The following C7 variants were observed in gnomAD, a reference collection of about 807,000 sequenced individuals.
C7 encodes the protein complement component C7.
In C7, 83 loss-of-function variants were observed where a neutral mutation model predicts 104.8. That is an observed-to-expected ratio of 0.79 (90% confidence interval 0.66 to 0.95). The LOEUF is 0.95. C7 is among the 40% of genes least tolerant of loss of function. C7 has a pLI of 0.00. For synonymous variants in C7, 415 were observed against 360.6 expected (o/e 1.15, Z -1.71); for missense variants, 1,070 against 1,011.2 (o/e 1.06, Z -0.79).
intron 12 of C7, among the ~76,000 whole-genome samples, chr5:40,960,059 A>G (rs73750215): frequency 0.11 from 16,909 of 152,218 alleles, 1,185 homozygotes; most frequent in Non-Finnish European, 0.16. Context: ...CTTTTCAGAT[A>G]CACCATTCTT....
intron 1 of C7, among the ~76,000 whole-genome samples, chr5:40,923,749 A>T (rs1739491282): frequency 1.3e-5 from 2 of 151,908 alleles, no homozygotes; most frequent in South Asian, 4.1e-4. Flanking sequence ...CTGTCTTAAA[A>T]AAAAAAAAAA....
At chr5:40,912,196 G>C (rs1234251214) in intron 1 of C7, among the ~76,000 whole-genome samples, 1 of 151,864 alleles carries the variant, frequency 6.6e-6, no homozygotes, top group African/African-American at 2.4e-5. Flanking sequence ...CCTAAGGCTA[G>C]CCAAATTTCA....
chr5:40,974,227 C>T (rs558763135), intron 15 of C7, among the ~76,000 whole-genome samples: 16 of 152,066 alleles, frequency 1.1e-4, no homozygotes, highest in African/African-American at 3.6e-4. Context: ...CTACTGTCCC[C>T]GTAGTTAGTC....
intron 13 of C7, among the ~76,000 whole-genome samples, chr5:40,963,322 C>G (rs1167065888): frequency 6.6e-6 from 1 of 152,178 alleles, no homozygotes; most frequent in Non-Finnish European, 1.5e-5. Flanking sequence ...TTTGTAATTT[C>G]TACAAGTGAT....
intron 1 of C7, among the ~76,000 whole-genome samples, chr5:40,918,450 A>G (rs1204055988): frequency 5.9e-5 from 9 of 152,286 alleles, no homozygotes; most frequent in Middle Eastern, 3.4e-3. Context: ...TTATCTATCA[A>G]TAATTACCTT....
intron 3 of C7, among the ~76,000 whole-genome samples, chr5:40,931,638 T>C (rs551177794): frequency 5.8e-4 from 88 of 152,370 alleles, no homozygotes; most frequent in African/African-American, 2.1e-3. Flanking sequence ...AAATACAATG[T>C]TGGACTTAAT....
At chr5:40,918,418 A>G (rs187735383) in intron 1 of C7, among the ~76,000 whole-genome samples, 127 of 152,188 alleles carry the variant, frequency 8.3e-4, no homozygotes, top group African/African-American at 2.6e-3. Context: ...CAACAACATA[A>G]CAAAATGGCA....
In C7 at chr5:40,958,049, A is replaced by G. The variant is rs963415406; in HGVS notation, c.1277A>G (p.Glu426Gly). The stretch of plus-strand genomic sequence containing the variant: ...TCTCTATAGCTGACACCTTTATATG[A>G]GCTGGTAAAGGAAGTACCTTGTGCC... ...VIKQKLTPLYELVKEVPCASV... is the reference protein window; with the variant it reads ...VIKQKLTPLYGLVKEVPCASV... The change falls in exon 11 of 18, where the codon GAG becomes GGG. Residue 426 changes from glutamate (E) to glycine (G), a missense_variant. Glu to Gly is a moderately conservative substitution (Grantham distance 98). Transcript: ENST00000313164. The G allele has an allele frequency of 1.2e-6, 2 of 1,611,926 alleles. No individual in the cohort carries two copies.
In C7 at chr5:40,976,771, T is replaced by C; in HGVS notation, c.2096T>C (p.Val699Ala). The stretch of plus-strand genomic sequence containing the variant: ...TTAGAAAATCCGTTAACACAGGCAG[T>C]GCCTAAATGTCAGCGCTGGGAGAAA... ...VQKENPLTQA[V>A]PKCQRWEKLQ... The change falls in exon 16 of 18, where the codon GTG becomes GCG. Residue 699 changes from valine to alanine, a missense_variant. Val to Ala is a moderately conservative substitution (Grantham distance 64). Coordinates refer to ENST00000313164, the MANE Select transcript of C7 (RefSeq NM_000587.4). 6.2e-7 allele frequency: 1 copy of C among 1,602,562 alleles called. No homozygotes were observed. The highest frequency in any genetic ancestry group is 8.5e-7 in the Non-Finnish European group (1 of 1,174,068).
At chr5:40,918,229 C>T (rs773438694) in intron 1 of C7, among the ~76,000 whole-genome samples, 2 of 151,704 alleles carry the variant, frequency 1.3e-5, no homozygotes, top group Non-Finnish European at 2.9e-5. Context: ...TGTGGTGGCA[C>T]GTACCTGTGG....
chr5:40,925,938 C>T (rs916875335), intron 1 of C7, among the ~76,000 whole-genome samples: 2 of 152,020 alleles, frequency 1.3e-5, no homozygotes, highest in African/African-American at 4.8e-5. Context: ...ATATCAAAGC[C>T]AAAGAAGCAC....
intron 6 of C7, among the ~76,000 whole-genome samples, chr5:40,941,158 T>G (rs1739928002): frequency 6.6e-6 from 1 of 151,450 alleles, no homozygotes; most frequent in African/African-American, 2.4e-5. Context: ...CTGCCTCCTG[T>G]GTTCAAGCGA....
At chr5:40,979,438 C>A (rs1407290770) in intron 16 of C7, among the ~76,000 whole-genome samples, 1 of 152,128 alleles carries the variant, frequency 6.6e-6, no homozygotes, top group Non-Finnish European at 1.5e-5. Context: ...TTCTTCTCAT[C>A]TAATTTGCTG....
chr5:40,930,729 A>AT (rs1025294102), intron 2 of C7, among the ~76,000 whole-genome samples: 1 of 149,720 alleles, frequency 6.7e-6, no homozygotes, highest in African/African-American at 2.5e-5. Flanking sequence ...TGCCTGGCTA[A>AT]TTTTTTTTGT....
intron 1 of C7, among the ~76,000 whole-genome samples, chr5:40,912,628 G>A (rs1485532423): frequency 1.3e-5 from 2 of 152,096 alleles, no homozygotes; most frequent in Admixed American, 6.6e-5. Flanking sequence ...CCAAATGCCA[G>A]GATTACAGGC....
At position 40,964,754 on chromosome 5, in the gene C7, T is replaced by C. The variant is rs781329115; in HGVS notation, c.1763T>C (p.Met588Thr). ...ACTTTTGTTTAGGATGAAGGTACAATGTTTCCTGTGGGGAAAAATGTAGTG... is the reference window on the plus strand; with the variant it reads ...ACTTTTGTTTAGGATGAAGGTACAACGTTTCCTGTGGGGAAAAATGTAGTG... ...KDGFVQDEGT[M>T]FPVGKNVVYT... The change falls in exon 14 of 18, where the codon ATG becomes ACG. Residue 588 changes from methionine to threonine, a missense_variant. Transcript: ENST00000313164. 1.9e-6 allele frequency: 3 copies of C among 1,613,274 alleles called. No homozygotes were observed. The highest frequency in any genetic ancestry group is 2.5e-6 in the Non-Finnish European group (3 of 1,179,336).
intron 14 of C7, among the ~76,000 whole-genome samples, chr5:40,965,621 T>C (rs1020017469): frequency 7.4e-6 from 1 of 134,404 alleles, no homozygotes. Context: ...GTGGTGAGTG[T>C]ATAGTGATAT....
chr5:40,928,038 G>T (rs1015973490), intron 1 of C7, among the ~76,000 whole-genome samples: 2 of 152,152 alleles, frequency 1.3e-5, no homozygotes, highest in Non-Finnish European at 2.9e-5. Context: ...AATGGATAAA[G>T]AAAATGTGGT....
At chr5:40,969,057 G>A (rs904829885) in intron 14 of C7, among the ~76,000 whole-genome samples, 15 of 151,766 alleles carry the variant, frequency 9.9e-5, no homozygotes, top group Admixed American at 3.9e-4. Flanking sequence ...CTTACTTCCC[G>A]CCCAGTTTCC....
Sources: allele counts gnomAD v4.1 joint callset (sites outside exome capture counted in the v4.1 genomes callset), GRCh38; gene constraint gnomAD v4.1.1; transcripts MANE v1.5; gene names NCBI Gene and HGNC (gene_info 2026-07-23, HGNC 2026-07-21).